LYRM9: variants seen among roughly 807,000 people sequenced by gnomAD.
LYRM9 encodes the protein LYR motif-containing protein 9.
In LYRM9, 14 loss-of-function variants were observed where a neutral mutation model predicts 12.6. The ratio of observed to expected loss-of-function variants is 1.11; its 90% CI spans 0.73 to 1.73. The LOEUF (loss-of-function observed/expected upper bound fraction) is 1.73, where lower values mean the gene tolerates loss of function less well. Ranked by LOEUF, LYRM9 falls within the 40% of genes most tolerant of loss-of-function variation. The pLI, the probability that LYRM9 is intolerant of heterozygous loss-of-function variation, is 0.00. For missense variants in LYRM9, 94 were observed against 95.0 expected (o/e 0.99, Z 0.04); for synonymous variants, 42 against 35.1 (o/e 1.20, Z -0.69).
intron 3 of LYRM9, chr17:27,879,699 C>G (rs1250547232): frequency 7.0e-6 from 4 of 570,292 alleles, no homozygotes; most frequent in Non-Finnish European, 3.1e-6. Context: ...AGGAAGCTGA[C>G]AGGGCTGGGG....
chr17:27,891,687 G>A (rs1466534708), intron 1 of LYRM9, among the ~76,000 whole-genome samples: 2 of 152,202 alleles, frequency 1.3e-5, no homozygotes, highest in South Asian at 2.1e-4. Context: ...GATTATAATC[G>A]ATGTGACAGA....
Position 27,878,837 on chromosome 17 carries a change from A to G in LYRM9, c.*636T>C, listed in dbSNP as rs1283084863. On this transcript the variant is annotated 3_prime_UTR_variant, in exon 4 of 4. Coordinates refer to ENST00000379102, the MANE Select transcript of LYRM9 (RefSeq NM_001076680.3). ...TTGGCAGACTGCTGGGTGTGTGACAACTGTGAGGGCTCAGGGGCTACAAGC... is the reference window on the plus strand; with the variant it reads ...TTGGCAGACTGCTGGGTGTGTGACAGCTGTGAGGGCTCAGGGGCTACAAGC... The G allele has an allele frequency of 6.6e-6, 1 of 152,628 alleles. No homozygotes were observed. 9.5% of individuals were successfully genotyped at this position (152,628 alleles called of 1,614,324 possible). A position where few individuals can be genotyped will look rare whatever the true frequency, so the allele number is the denominator to read the frequency against.
intron 1 of LYRM9, among the ~76,000 whole-genome samples, chr17:27,884,697 A>G (rs923707443): frequency 5.3e-5 from 8 of 152,162 alleles, no homozygotes; most frequent in African/African-American, 1.9e-4. Flanking sequence ...CCTGGCCCGC[A>G]GTGGGCTTCA....
At chr17:27,890,858 C>T (rs1254933457) in intron 1 of LYRM9, among the ~76,000 whole-genome samples, 3 of 152,066 alleles carry the variant, frequency 2.0e-5, no homozygotes, top group Non-Finnish European at 4.4e-5. Context: ...TTCCCACCCC[C>T]ACCCACTCCA....
chr17:27,880,217 G>A (rs1567662177), intron 3 of LYRM9, 57 bp downstream of exon 3: 3 of 1,366,108 alleles, frequency 2.2e-6, no homozygotes, highest in Non-Finnish European at 3.1e-6. Flanking sequence ...GTGGTCATGG[G>A]GATCACAGCC....
chr17:27,890,258 C>A (rs1822628598), intron 1 of LYRM9, among the ~76,000 whole-genome samples: 1 of 152,164 alleles, frequency 6.6e-6, no homozygotes, highest in Admixed American at 6.5e-5. Context: ...TCATGCATGA[C>A]CAGGTTCAAG....
At chr17:27,892,366 C>A (rs1195598933) in intron 1 of LYRM9, 1 of 453,074 alleles carries the variant, frequency 2.2e-6, no homozygotes, top group Admixed American at 2.4e-5. Context: ...AATATATATA[C>A]GGTTATTAGT....
At chr17:27,891,127 C>T (rs548212399) in intron 1 of LYRM9, among the ~76,000 whole-genome samples, 54 of 152,182 alleles carry the variant, frequency 3.5e-4, no homozygotes, top group Non-Finnish European at 4.7e-4. Flanking sequence ...CTAAAAAGCA[C>T]ACCCTGTCAC....
At chr17:27,890,515 A>T (rs895947771) in intron 1 of LYRM9, among the ~76,000 whole-genome samples, 1 of 152,258 alleles carries the variant, frequency 6.6e-6, no homozygotes, top group African/African-American at 2.4e-5. Flanking sequence ...AGAATATGAC[A>T]GAATTTTTAA....
intron 2 of LYRM9, chr17:27,881,243 A>G (rs1905043560): frequency 6.7e-6 from 1 of 148,952 alleles, no homozygotes; most frequent in Admixed American, 6.8e-5. Flanking sequence ...ATCTCAAAAA[A>G]AAAAAAAAAA....
Position 27,882,555 on chromosome 17 carries a change from G to C in LYRM9, c.126+14C>G. 1.3e-6 allele frequency: 2 copies of C among 1,569,044 alleles called. No homozygotes were observed. Among genetic ancestry groups the C allele is most frequent in the Non-Finnish European group, 8.6e-7 (1 of 1,158,720 alleles). On this transcript the variant is annotated intron_variant, in intron 2 of 3. Transcript: ENST00000379102. ...TTAGAGGCAGCCCCCAGACCTGGTAGAGCCAGCTCGCACCTGCCTGACAGC... is the reference window on the plus strand; with the variant it reads ...TTAGAGGCAGCCCCCAGACCTGGTACAGCCAGCTCGCACCTGCCTGACAGC...
chr17:27,890,199 A>C (rs1905384523), intron 1 of LYRM9, among the ~76,000 whole-genome samples: 1 of 152,190 alleles, frequency 6.6e-6, no homozygotes. Context: ...ACTCATAAAA[A>C]TACTGACCAG....
At chr17:27,892,594 G>A (rs1472910614) in intron 1 of LYRM9, 1 of 345,742 alleles carries the variant, frequency 2.9e-6, no homozygotes, top group Non-Finnish European at 5.6e-6. Flanking sequence ...TCCAGAATAG[G>A]CAAAAGTACA....
intron 1 of LYRM9, among the ~76,000 whole-genome samples, chr17:27,888,683 G>A (rs1905318044): frequency 6.6e-6 from 1 of 152,134 alleles, no homozygotes; most frequent in South Asian, 2.1e-4. Flanking sequence ...TAGATGGTAG[G>A]CATTAAGGGT....
chr17:27,889,539 G>A (rs1362753210), intron 1 of LYRM9, among the ~76,000 whole-genome samples: 1 of 152,038 alleles, frequency 6.6e-6, no homozygotes, highest in Non-Finnish European at 1.5e-5. Context: ...CTGACCTCAG[G>A]TGATCCACCT....
chr17:27,880,755 C>T (rs923835881), intron 2 of LYRM9: 83 of 224,986 alleles, frequency 3.7e-4, no homozygotes, highest in African/African-American at 1.9e-3. Context: ...ATAGGCTTTA[C>T]AGCAGGGAGG....
intron 1 of LYRM9, among the ~76,000 whole-genome samples, chr17:27,889,570 T>C (rs1905356427): frequency 6.6e-6 from 1 of 152,198 alleles, no homozygotes; most frequent in South Asian, 2.1e-4. Context: ...CCCAAAGTGC[T>C]GTGATTATAG....
intron 1 of LYRM9, among the ~76,000 whole-genome samples, chr17:27,889,312 T>TG (rs1445016959): frequency 9.3e-5 from 13 of 139,968 alleles, no homozygotes; most frequent in Admixed American, 8.4e-4. Flanking sequence ...TTCTTTTTTC[T>TG]TTTTTTTTTT....
intron 1 of LYRM9, among the ~76,000 whole-genome samples, chr17:27,889,057 G>A (rs1024628642): frequency 1.8e-4 from 28 of 152,104 alleles, no homozygotes; most frequent in African/African-American, 6.0e-4. Context: ...GCCTCTCAAA[G>A]TGTCTCTGTC....
Sources: allele counts gnomAD v4.1 joint callset (sites outside exome capture counted in the v4.1 genomes callset), GRCh38; gene constraint gnomAD v4.1.1; transcripts MANE v1.5; gene names NCBI Gene and HGNC (gene_info 2026-07-23, HGNC 2026-07-21).